The following TRPS1 variants were observed in gnomAD, a reference collection of about 807,000 sequenced individuals.
TRPS1 encodes zinc finger transcription factor Trps1.
A neutral mutation model predicts 101.2 loss-of-function variants in TRPS1; 6 were observed. The observed-to-expected ratio is 0.06, with a 90% confidence interval of 0.03 to 0.12. The LOEUF (loss-of-function observed/expected upper bound fraction) is 0.12, where lower values mean the gene tolerates loss of function less well. Ranked by LOEUF, TRPS1 falls within the 10% of genes least tolerant of loss-of-function variation. The pLI is 1.00. For synonymous variants in TRPS1, 578 were observed against 589.8 expected (o/e 0.98, Z 0.29); for missense variants, 1,363 against 1,567.0 (o/e 0.87, Z 2.20).
intron 5 of TRPS1, among the ~76,000 whole-genome samples, chr8:115,515,852 T>G (rs1586353860): frequency 6.6e-6 from 1 of 151,588 alleles, no homozygotes; most frequent in East Asian, 1.9e-4. Flanking sequence ...TATTTTGATT[T>G]TGTTAGCAAA....
At chr8:115,518,696 A>T (rs1282481104) in intron 5 of TRPS1, among the ~76,000 whole-genome samples, 1 of 151,850 alleles carries the variant, frequency 6.6e-6, no homozygotes, top group African/African-American at 2.4e-5. Context: ...GGGACAGTGG[A>T]TATACTTATT....
At chr8:115,658,334 A>G (rs1157156818) in intron 1 of TRPS1, among the ~76,000 whole-genome samples, 2 of 152,124 alleles carry the variant, frequency 1.3e-5, no homozygotes, top group Non-Finnish European at 2.9e-5. Context: ...GTGTGACCCC[A>G]GTGGGGTTTA....
At chr8:115,498,415 C>CTCTCTCTCTA (rs1486361297) in intron 5 of TRPS1, among the ~76,000 whole-genome samples, 25 of 39,306 alleles carry the variant, frequency 6.4e-4, no homozygotes, top group Admixed American at 1.1e-3. Flanking sequence ...CTCTCTCTCT[C>CTCTCTCTCTA]TATATATATA....
chr8:115,553,042 A>G (rs1054282888), intron 5 of TRPS1, among the ~76,000 whole-genome samples: 5 of 152,156 alleles, frequency 3.3e-5, no homozygotes, highest in Non-Finnish European at 1.5e-5. Flanking sequence ...GAATATTCAC[A>G]AAAGTATTAC....
At chr8:115,503,968 C>G (rs79884559) in intron 5 of TRPS1, among the ~76,000 whole-genome samples, 1 of 152,170 alleles carries the variant, frequency 6.6e-6, no homozygotes, top group Non-Finnish European at 1.5e-5. Flanking sequence ...CAAGGGCACA[C>G]GTGAAATCCC....
At chr8:115,487,656 C>A (rs938105338) in intron 5 of TRPS1, among the ~76,000 whole-genome samples, 2 of 152,082 alleles carry the variant, frequency 1.3e-5, no homozygotes, top group African/African-American at 4.8e-5. Flanking sequence ...TAAGACTTCA[C>A]GTGGAGTAAG....
intron 5 of TRPS1, among the ~76,000 whole-genome samples, chr8:115,537,797 G>A (rs951013533): frequency 3.3e-5 from 5 of 152,180 alleles, no homozygotes; most frequent in African/African-American, 1.2e-4. Context: ...AAGTGAGTTG[G>A]ACTTCGAGCA....
intron 5 of TRPS1, among the ~76,000 whole-genome samples, chr8:115,511,889 C>T (rs76474562): frequency 0.013 from 1,994 of 151,808 alleles, 43 homozygotes; most frequent in African/African-American, 0.046. Context: ...ATATCACATA[C>T]GAAATGTATG....
Position 115,533,443 on chromosome 8 carries a change from T to TTTTG in TRPS1, c.2700+53557_2700+53558insCAAA, listed in dbSNP as rs1416193956. 1.2e-4 allele frequency among the ~76,000 whole-genome samples: 15 copies of TTTTG among 129,412 alleles called. 1 individual carries two copies. Among genetic ancestry groups the TTTTG allele is most frequent in the African/African-American group, 4.3e-4 (14 of 32,510 alleles). 84.9% of individuals were successfully genotyped at this position (129,412 alleles called of 152,430 possible). ...GCTTCCCACATGTAATCTGTTTTTT[T>TTTTG]TTTTTTTTTTTTTTTTCCTGAAAAA... On this transcript the variant is annotated intron_variant, in intron 5 of 6. Transcript: ENST00000395715.
intron 5 of TRPS1, among the ~76,000 whole-genome samples, chr8:115,500,774 C>A (rs1210656053): frequency 6.6e-6 from 1 of 152,000 alleles, no homozygotes; most frequent in African/African-American, 2.4e-5. Context: ...CAGGGTTTCA[C>A]CGTGTTAGCC....
chr8:115,620,853 G>C (rs958463411), intron 2 of TRPS1, among the ~76,000 whole-genome samples: 3 of 152,146 alleles, frequency 2.0e-5, no homozygotes, highest in Non-Finnish European at 4.4e-5. Context: ...ATAAGCTCTG[G>C]GTGTCCATAT....
At chr8:115,473,604 C>CA (rs1415132800) in intron 5 of TRPS1, among the ~76,000 whole-genome samples, 2 of 152,084 alleles carry the variant, frequency 1.3e-5, no homozygotes, top group Admixed American at 1.3e-4. Flanking sequence ...GAAGAAGAAA[C>CA]AAAAAGCAAA....
rs536010563 is a variant in TRPS1, at chr8:115,554,831, G to A, written c.2700+32170C>T. On this transcript the variant is annotated intron_variant, in intron 5 of 6. Coordinates refer to ENST00000395715, the MANE Select transcript of TRPS1 (RefSeq NM_014112.5). ...TGCTCTAGATGGCACAGGTTCAGAG[G>A]AGAAGGCCCTTTGAAAGGCGTGCCA... is the stretch of plus-strand genomic sequence containing the variant. Among the ~76,000 whole-genome samples, 5 of 152,282 alleles carry A rather than the reference G, an allele frequency of 3.3e-5. No individual in the cohort carries two copies. The East Asian group carries it at 9.7e-4, about 29-fold the overall frequency.
intron 3 of TRPS1, among the ~76,000 whole-genome samples, chr8:115,618,001 T>C (rs778836044): frequency 1.3e-5 from 2 of 152,198 alleles, no homozygotes; most frequent in South Asian, 4.1e-4. Context: ...TTACAAGTAT[T>C]GCAAAATATG....
chr8:115,663,395 G>A (rs142093615), intron 1 of TRPS1, among the ~76,000 whole-genome samples: 3 of 152,064 alleles, frequency 2.0e-5, no homozygotes, highest in Admixed American at 6.5e-5. Context: ...AAGAAAGAGA[G>A]AGAGAAAGAG....
Position 115,604,600 on chromosome 8 carries a change from C to T in TRPS1, c.1369G>A (p.Glu457Lys). ...YWCKFCSFSC[E>K]SSSSLKLLEH... is the part of the protein sequence containing the mutation. ...AGCAGTTTAAGTGAGCTAGATGACT[C>T]ACAGCTGAAACTACAAAATTTACAC... Residue 457 changes from glutamate (E) to lysine (K), a missense_variant, in exon 4 of 7, where the codon GAG becomes AAG. This residue lies in a region of TRPS1 where 1,020 missense variants were observed against 1,073.0 expected (regional missense o/e 0.95). Coordinates refer to ENST00000395715, the MANE Select transcript of TRPS1 (RefSeq NM_014112.5). This position sits in a 1 kb window ranked among gnomAD's most constrained non-coding sequence, Gnocchi z 4.1. 6.2e-7 allele frequency: 1 copy of T among 1,614,042 alleles called. No individual in the cohort carries two copies. Among genetic ancestry groups the T allele is most frequent in the Non-Finnish European group, 8.5e-7 (1 of 1,180,004 alleles).
rs1230784212 is a variant in TRPS1, at chr8:115,412,971, G to C, written c.*1052C>G. ...GTCAGTCTGTGGTAACGTAACCTTA[G>C]ACGCTGCCTGACCACAAAGTTTGGA... On this transcript the variant is annotated 3_prime_UTR_variant, in exon 7 of 7. Transcript: ENST00000395715. 6.6e-6 allele frequency: 1 copy of C among 152,518 alleles called. No individual in the cohort carries two copies. Among genetic ancestry groups the C allele is most frequent in the Non-Finnish European group, 1.5e-5 (1 of 68,006 alleles). The allele number at this position is 152,518 out of a possible 1,614,324, so 9.4% of individuals were successfully genotyped here. A position where few individuals can be genotyped will look rare whatever the true frequency, so the allele number is the denominator to read the frequency against.
At chr8:115,543,671 T>C (rs929908351) in intron 5 of TRPS1, among the ~76,000 whole-genome samples, 1 of 152,152 alleles carries the variant, frequency 6.6e-6, no homozygotes, top group African/African-American at 2.4e-5. Flanking sequence ...CAAGAATCTT[T>C]CTTCTTTTTA....
At chr8:115,488,264 A>G (rs1447459088) in intron 5 of TRPS1, among the ~76,000 whole-genome samples, 2 of 152,244 alleles carry the variant, frequency 1.3e-5, no homozygotes, top group Non-Finnish European at 2.9e-5. Context: ...ACTACAGTAT[A>G]ATGTAAACAT....
Sources: allele counts gnomAD v4.1 joint callset (sites outside exome capture counted in the v4.1 genomes callset), GRCh38; gene constraint gnomAD v4.1.1; regional missense constraint gnomAD v4.1.1; non-coding constraint Gnocchi (gnomAD v3.1); transcripts MANE v1.5; gene names NCBI Gene and HGNC (gene_info 2026-07-23, HGNC 2026-07-21).